MARCHF1: variants seen among roughly 807,000 people sequenced by gnomAD.
The protein encoded by MARCHF1 is membrane associated ring-CH-type finger 1, also known as E3 ubiquitin-protein ligase MARCHF1.
In MARCHF1, 40 loss-of-function variants were observed where a neutral mutation model predicts 54.2. The ratio of observed to expected loss-of-function variants is 0.74; its 90% CI spans 0.57 to 0.96. The LOEUF is 0.96. Ranked by LOEUF, MARCHF1 falls within the 40% of genes least tolerant of loss-of-function variation. The pLI is 0.00. For synonymous variants in MARCHF1, 236 were observed against 236.3 expected, an observed-to-expected ratio of 1.00 and a Z score of 0.01; for missense variants, 586 against 656.5, an observed-to-expected ratio of 0.89 and a Z score of 1.17.
intron 5 of MARCHF1, among the ~76,000 whole-genome samples, chr4:163,629,248 C>T (rs965029725): frequency 1.3e-5 from 2 of 151,982 alleles, no homozygotes; most frequent in Non-Finnish European, 2.9e-5. Flanking sequence ...TCAGAAATAA[C>T]GCCACACATC....
At chr4:164,295,385 A>G (rs1414573666) in intron 1 of MARCHF1, among the ~76,000 whole-genome samples, 2 of 151,912 alleles carry the variant, frequency 1.3e-5, no homozygotes, top group South Asian at 2.1e-4. Context: ...TAATTCTTAC[A>G]CTAAAGTGAT....
At chr4:163,764,517 TAATA>T (rs765220384) in intron 4 of MARCHF1, among the ~76,000 whole-genome samples, 8 of 152,030 alleles carry the variant, frequency 5.3e-5, no homozygotes, top group Admixed American at 3.9e-4. Context: ...TCATAAAACA[TAATA>T]AATAGATAGT....
Position 163,614,058 on chromosome 4 carries a change from A to G in MARCHF1, c.163-665T>C, listed in dbSNP as rs905659250. Reference sequence around the variant, plus strand: ...CATTTCACTAAAGTCCTACCTTTGAAACAGTATTTTCTTCACTCTATTTGA... The same window carrying G: ...CATTTCACTAAAGTCCTACCTTTGAGACAGTATTTTCTTCACTCTATTTGA... On this transcript the variant is annotated intron_variant, in intron 5 of 9. Coordinates refer to ENST00000514618, the MANE Select transcript of MARCHF1 (RefSeq NM_001394959.1). Among the ~76,000 whole-genome samples the G allele has an allele frequency of 3.9e-5, 6 of 152,126 alleles. No individual in the cohort carries two copies. The South Asian group carries it at 1.0e-3, about 26-fold the overall frequency.
intron 8 of MARCHF1, among the ~76,000 whole-genome samples, chr4:163,547,564 A>G (rs1229074518): frequency 1.3e-5 from 2 of 152,152 alleles, no homozygotes; most frequent in African/African-American, 4.8e-5. Flanking sequence ...TCTCAGCCCA[A>G]TCAGCAACAG....
intron 1 of MARCHF1, among the ~76,000 whole-genome samples, chr4:164,252,293 A>T (rs73870836): frequency 0.04 from 6,152 of 152,246 alleles, 293 homozygotes; most frequent in African/African-American, 0.11. Context: ...AGATATTTTT[A>T]AAAATGTGTA....
Position 164,201,207 on chromosome 4 carries a change from TGGTTTTG to T in MARCHF1, c.-322-89552_-322-89546del, listed in dbSNP as rs544491480. ...ACATGTTTTACAGACATGTTTTACA[TGGTTTTG>T]TTTTGTTTTGTTTTGTTTTGTTTTG... On this transcript the variant is annotated intron_variant, in intron 1 of 9. Coordinates refer to ENST00000514618, the MANE Select transcript of MARCHF1 (RefSeq NM_001394959.1). Among the ~76,000 whole-genome samples, 7 of 74,948 alleles carry T rather than the reference TGGTTTTG, an allele frequency of 9.3e-5. No individual in the cohort carries two copies. The East Asian group carries it at 2.6e-3, about 28-fold the overall frequency. The allele number at this position is 74,948 out of a possible 152,430, so 49.2% of individuals were successfully genotyped here.
At chr4:164,310,288 G>A in intron 1 of MARCHF1, among the ~76,000 whole-genome samples, 1 of 151,972 alleles carries the variant, frequency 6.6e-6, no homozygotes, top group East Asian at 1.9e-4. Flanking sequence ...ATGTTGGCCA[G>A]GATGGTCTTG....
rs962326250 is a variant in MARCHF1 at position 164,351,520 on chromosome 4, A to C, written c.-323+32350T>G. Among the ~76,000 whole-genome samples, 5 of 152,040 alleles carry C rather than the reference A, an allele frequency of 3.3e-5. No individual in the cohort carries two copies. In the East Asian group the frequency reaches 5.8e-4, roughly 18 times the overall value. On this transcript the variant is annotated intron_variant, in intron 1 of 9. Coordinates refer to ENST00000514618, the MANE Select transcript of MARCHF1 (RefSeq NM_001394959.1). Reference sequence around the variant, plus strand: ...GGGGCACACTGACACCTCACACGGCAGGGTATTCCAACAGACCTGCAGCTG... The same window carrying C: ...GGGGCACACTGACACCTCACACGGCCGGGTATTCCAACAGACCTGCAGCTG...
In MARCHF1 at chr4:163,623,130, A is replaced by G. The variant is rs181377934; in HGVS notation, c.163-9737T>C. Among the ~76,000 whole-genome samples the G allele has an allele frequency of 3.8e-3, 585 of 152,298 alleles. 1 individual carries two copies. Among genetic ancestry groups the G allele is most frequent in the Non-Finnish European group, 5.9e-3 (404 of 68,010 alleles). On this transcript the variant is annotated intron_variant, in intron 5 of 9. Coordinates refer to ENST00000514618, the MANE Select transcript of MARCHF1 (RefSeq NM_001394959.1). ...TCAACAGAAATTGCCATGCATTCCTAGTAATATAGACAAGATCCAAGAGAA... is the reference window on the plus strand; with the variant it reads ...TCAACAGAAATTGCCATGCATTCCTGGTAATATAGACAAGATCCAAGAGAA...
At chr4:163,820,341 C>A (rs984075989) in intron 4 of MARCHF1, among the ~76,000 whole-genome samples, 2 of 152,024 alleles carry the variant, frequency 1.3e-5, no homozygotes, top group African/African-American at 4.8e-5. Flanking sequence ...CATTCTCCAG[C>A]TGATTGTTCT....
chr4:164,148,442 C>G (rs142728682), intron 1 of MARCHF1, among the ~76,000 whole-genome samples: 117 of 151,950 alleles, frequency 7.7e-4, no homozygotes, highest in African/African-American at 2.7e-3. Flanking sequence ...TTTCCATGTT[C>G]TCTTAATTAA....
At chr4:163,931,148 C>A (rs545435354) in intron 3 of MARCHF1, among the ~76,000 whole-genome samples, 1 of 152,260 alleles carries the variant, frequency 6.6e-6, no homozygotes, top group African/African-American at 2.4e-5. Context: ...AGGAAGACAA[C>A]CCTCACCAGA....
chr4:163,894,686 G>T lies in MARCHF1; in HGVS notation c.-38-40517C>A, dbSNP rs375389500. Among the ~76,000 whole-genome samples the T allele has an allele frequency of 7.1e-5, 2 of 28,360 alleles. 1 individual carries two copies. Among genetic ancestry groups the T allele is most frequent in the African/African-American group, 2.6e-4 (2 of 7,598 alleles). 18.6% of individuals were successfully genotyped at this position (28,360 alleles called of 152,430 possible). On this transcript the variant is annotated intron_variant, in intron 3 of 9. Transcript: ENST00000514618. ...GCATGTGATGCATATATATGCATGTGATGCATATATATATGCATGTGATGC... is the reference window on the plus strand; with the variant it reads ...GCATGTGATGCATATATATGCATGTTATGCATATATATATGCATGTGATGC...
intron 3 of MARCHF1, among the ~76,000 whole-genome samples, chr4:163,892,967 G>A (rs1404416140): frequency 6.6e-6 from 1 of 152,082 alleles, no homozygotes; most frequent in Non-Finnish European, 1.5e-5. Flanking sequence ...ATGCCTGTCT[G>A]CATAGTGGAT....
At chr4:163,621,273 G>A (rs1023815558) in intron 5 of MARCHF1, among the ~76,000 whole-genome samples, 1 of 152,158 alleles carries the variant, frequency 6.6e-6, no homozygotes, top group African/African-American at 2.4e-5. Flanking sequence ...TCTTAGACCA[G>A]TAACTCTCAA....
intron 1 of MARCHF1, among the ~76,000 whole-genome samples, chr4:164,370,839 C>T (rs746923869): frequency 1.3e-5 from 2 of 151,902 alleles, no homozygotes; most frequent in Non-Finnish European, 2.9e-5. Flanking sequence ...GCCCGGGAGG[C>T]GGAGGTTGCA....
At chr4:164,004,086 G>T (rs1055395533) in intron 2 of MARCHF1, among the ~76,000 whole-genome samples, 1 of 151,992 alleles carries the variant, frequency 6.6e-6, no homozygotes, top group Non-Finnish European at 1.5e-5. Context: ...AGTGAACAAT[G>T]AGAAAACATG....
At chr4:164,010,062 CTTT>C (rs35143590) in intron 2 of MARCHF1, among the ~76,000 whole-genome samples, 200 of 98,552 alleles carry the variant, frequency 2.0e-3, no homozygotes, top group Middle Eastern at 4.8e-3. Context: ...TCAAAAAACT[CTTT>C]TTTTTTTTTT....
intron 1 of MARCHF1, among the ~76,000 whole-genome samples, chr4:164,199,584 G>A (rs1421932987): frequency 6.7e-6 from 1 of 149,046 alleles, no homozygotes; most frequent in Non-Finnish European, 1.5e-5. Flanking sequence ...TGCAGTAAGC[G>A]GAGATCACTC....
Sources: allele counts gnomAD v4.1 joint callset (sites outside exome capture counted in the v4.1 genomes callset), GRCh38; gene constraint gnomAD v4.1.1; transcripts MANE v1.5; gene names NCBI Gene and HGNC (gene_info 2026-07-23, HGNC 2026-07-21).